PTPRG: variants seen among roughly 807,000 people sequenced by gnomAD.
The protein encoded by PTPRG is protein tyrosine phosphatase receptor type G.
A neutral mutation model predicts 165.3 loss-of-function variants in PTPRG; 102 were observed. That is an observed-to-expected ratio of 0.62 (90% CI 0.53 to 0.73). PTPRG has a LOEUF of 0.73. Among genes scored for constraint, PTPRG ranks in the 30% least tolerant of loss-of-function variants. The pLI is 0.00. For missense variants in PTPRG, 1,866 were observed against 1,861.4 expected, an observed-to-expected ratio of 1.00 and a Z score of -0.05; for synonymous variants, 675 against 669.5, an observed-to-expected ratio of 1.01 and a Z score of -0.13.
intron 1 of PTPRG, among the ~76,000 whole-genome samples, chr3:61,649,652 G>A (rs773305649): frequency 2.0e-5 from 3 of 152,176 alleles, no homozygotes; most frequent in African/African-American, 4.8e-5. Flanking sequence ...AGACATGCAG[G>A]CTTCAAATCA....
At chr3:61,652,550 C>T (rs911123126) in intron 1 of PTPRG, among the ~76,000 whole-genome samples, 12 of 151,766 alleles carry the variant, frequency 7.9e-5, no homozygotes, top group Non-Finnish European at 1.5e-4. Flanking sequence ...GCAAATGTTC[C>T]CCTTCTCTGC....
At chr3:61,755,212 T>TAGCA (rs2033594248) in intron 2 of PTPRG, among the ~76,000 whole-genome samples, 1 of 152,178 alleles carries the variant, frequency 6.6e-6, no homozygotes, top group South Asian at 2.1e-4. Context: ...TTCGCCCTGT[T>TAGCA]AGCAAGGCTG....
rs946393661 is a variant in PTPRG at position 62,228,006 on chromosome 3, C to T, written c.2289-3219C>T. Among the ~76,000 whole-genome samples the T allele has an allele frequency of 1.3e-4, 20 of 152,136 alleles. No individual in the cohort carries two copies. The highest frequency in any genetic ancestry group is 4.6e-4 in the African/African-American group (19 of 41,422). ...GCTATGGTGGCCCATTTTTGAGAGG[C>T]TCTCCCTTGCCAGTTTGCCAGTCTC... On this transcript the variant is annotated intron_variant, in intron 13 of 29. Coordinates refer to ENST00000474889, the MANE Select transcript of PTPRG (RefSeq NM_002841.4). The surrounding 1 kb of genome is among the most constrained non-coding windows in gnomAD (Gnocchi z 4.1).
chr3:61,690,291 G>A (rs2106652175), intron 1 of PTPRG, among the ~76,000 whole-genome samples: 1 of 152,346 alleles, frequency 6.6e-6, no homozygotes, highest in African/African-American at 2.4e-5. Context: ...AAGGGAGCAA[G>A]TGTGAGATGG....
intron 1 of PTPRG, among the ~76,000 whole-genome samples, chr3:61,697,545 T>C (rs2030678696): frequency 6.6e-6 from 1 of 152,226 alleles, no homozygotes; most frequent in African/African-American, 2.4e-5. Context: ...TTTTCATCTT[T>C]TCTTCTGAAG....
chr3:62,125,390 A>T (rs1289425607), intron 5 of PTPRG, among the ~76,000 whole-genome samples: 1 of 152,124 alleles, frequency 6.6e-6, no homozygotes, highest in Non-Finnish European at 1.5e-5. Context: ...GCCTTTTGTA[A>T]ATGGAGTGCC....
At chr3:61,798,261 T>C (rs1464146309) in intron 2 of PTPRG, among the ~76,000 whole-genome samples, 1 of 152,212 alleles carries the variant, frequency 6.6e-6, no homozygotes, top group Non-Finnish European at 1.5e-5. Context: ...GATACAACTG[T>C]AGCTATAAAT....
chr3:61,785,607 G>GC (rs1048976633), intron 2 of PTPRG, among the ~76,000 whole-genome samples: 1 of 152,088 alleles, frequency 6.6e-6, no homozygotes, highest in African/African-American at 2.4e-5. Flanking sequence ...AAATGATAGT[G>GC]CCCACTTGAT....
rs142586176 is a variant in PTPRG, at chr3:61,891,135, T to C, written c.191-98490T>C. 6.6e-5 allele frequency among the ~76,000 whole-genome samples: 10 copies of C among 152,004 alleles called. No individual in the cohort carries two copies. The East Asian group carries it at 1.9e-3, about 30-fold the overall frequency. On this transcript the variant is annotated intron_variant, in intron 2 of 29. Transcript: ENST00000474889. ...GAGTTTGAGACCAGCCTGGCTAACA[T>C]AGCAAAACCCCATCTCTACTAAAAA...
intron 1 of PTPRG, among the ~76,000 whole-genome samples, chr3:61,664,987 GT>G (rs1559546904): frequency 1.3e-5 from 2 of 152,296 alleles, no homozygotes; most frequent in East Asian, 3.9e-4. Context: ...AGCAGGTGGA[GT>G]TTTCTGATAA....
intron 2 of PTPRG, among the ~76,000 whole-genome samples, chr3:61,841,630 G>C (rs2036636277): frequency 1.3e-5 from 2 of 151,830 alleles, no homozygotes; most frequent in Admixed American, 1.3e-4. Context: ...TTCATGCTTA[G>C]GAAATGGCAC....
chr3:62,146,414 C>T (rs947806743), intron 6 of PTPRG, among the ~76,000 whole-genome samples: 7 of 152,090 alleles, frequency 4.6e-5, no homozygotes, highest in Non-Finnish European at 7.4e-5. Flanking sequence ...GTCTCCCTCC[C>T]AGGCCACCTG....
intron 8 of PTPRG, among the ~76,000 whole-genome samples, chr3:62,185,022 G>C (rs536932320): frequency 6.6e-6 from 1 of 152,088 alleles, no homozygotes; most frequent in South Asian, 2.1e-4. Context: ...AAGAGGATGG[G>C]GTGGGGGTGG....
chr3:61,688,519 C>T (rs937752726), intron 1 of PTPRG, among the ~76,000 whole-genome samples: 8 of 152,194 alleles, frequency 5.3e-5, no homozygotes, highest in African/African-American at 1.7e-4. Flanking sequence ...ATTAGTTGCA[C>T]GGCGGGGAAG....
intron 1 of PTPRG, among the ~76,000 whole-genome samples, chr3:61,651,491 G>A (rs1205262140): frequency 6.6e-6 from 1 of 152,044 alleles, no homozygotes; most frequent in African/African-American, 2.4e-5. Flanking sequence ...GAAGCCTTAG[G>A]GCTAGACTTA....
At chr3:61,690,061 T>G (rs1274688099) in intron 1 of PTPRG, among the ~76,000 whole-genome samples, 2 of 152,238 alleles carry the variant, frequency 1.3e-5, no homozygotes, top group Non-Finnish European at 1.5e-5. Flanking sequence ...CATGCTATTC[T>G]TCAGCTTCCT....
At chr3:62,066,530 G>A (rs1308128440) in intron 4 of PTPRG, among the ~76,000 whole-genome samples, 2 of 152,210 alleles carry the variant, frequency 1.3e-5, no homozygotes, top group Admixed American at 6.5e-5. Context: ...CACTGTGGTA[G>A]TGATTTTTGT....
chr3:61,752,802 G>GAAAAGAAAAAAAAAAAA (rs1553660820), intron 2 of PTPRG, among the ~76,000 whole-genome samples: 1 of 103,712 alleles, frequency 9.6e-6, no homozygotes, highest in Non-Finnish European at 1.9e-5. Context: ...AAAAAAAAAA[G>GAAAAGAAAAAAAAAAAA]AAAAAAAAAA....
chr3:61,908,243 C>G (rs1022339479), intron 2 of PTPRG, among the ~76,000 whole-genome samples: 1 of 149,936 alleles, frequency 6.7e-6, no homozygotes, highest in Non-Finnish European at 1.5e-5. Flanking sequence ...CTGGCCAACA[C>G]GGTGAAACCC....
Sources: gnomAD v4.1 joint callset for allele counts (sites outside exome capture counted in the v4.1 genomes callset) on GRCh38, gnomAD v4.1.1 for gene constraint, Gnocchi (gnomAD v3.1) non-coding constraint, MANE v1.5 for transcripts, NCBI Gene and HGNC (gene_info 2026-07-23, HGNC 2026-07-21) for gene names.